ENPP6: variants seen among roughly 807,000 people sequenced by gnomAD.
The protein encoded by ENPP6 is ectonucleotide pyrophosphatase/phosphodiesterase 6.
A neutral mutation model predicts 42.0 loss-of-function variants in ENPP6; 32 were observed. The ratio of observed to expected loss-of-function variants is 0.76; its 90% CI spans 0.58 to 1.02. ENPP6 has a LOEUF of 1.02. Ranked by LOEUF, ENPP6 falls within the 50% of genes least tolerant of loss-of-function variation. ENPP6 has a pLI of 0.00. For missense variants in ENPP6, 552 were observed against 566.8 expected, an observed-to-expected ratio of 0.97 and a Z score of 0.27; for synonymous variants, 213 against 216.0, an observed-to-expected ratio of 0.99 and a Z score of 0.12.
At position 184,202,441 on chromosome 4, in the gene ENPP6, G is replaced by A. The variant is rs545877127; in HGVS notation, c.241+15138C>T. ...CTGGAGTGGAACAGGAGGGGAGGAGGAGCCTGTTGGACTATCCTTTGGTAT... is the reference window on the plus strand; with the variant it reads ...CTGGAGTGGAACAGGAGGGGAGGAGAAGCCTGTTGGACTATCCTTTGGTAT... On this transcript the variant is annotated intron_variant, in intron 1 of 7. Coordinates refer to ENST00000296741, the MANE Select transcript of ENPP6 (RefSeq NM_153343.4). 2.0e-5 allele frequency among the ~76,000 whole-genome samples: 3 copies of A among 152,172 alleles called. No individual in the cohort carries two copies. The South Asian group carries it at 6.2e-4, about 32-fold the overall frequency.
intron 3 of ENPP6, among the ~76,000 whole-genome samples, chr4:184,123,119 T>C (rs1006741221): frequency 6.6e-6 from 1 of 152,146 alleles, no homozygotes; most frequent in Admixed American, 6.5e-5. Context: ...GTGGAATCAT[T>C]CTAAGAAGCA....
At position 184,153,744 on chromosome 4, in the gene ENPP6, G is replaced by T. The variant is rs185555705; in HGVS notation, c.242-11C>A. ...CTTCACAATGGCGGCCTATGTCAAT[G>T]AGAACACAGCTGTCAGTTTACGGTT... On this transcript the variant is annotated splice_polypyrimidine_tract_variant and intron_variant, in intron 1 of 7. Transcript: ENST00000296741. 2.8e-3 allele frequency: 4,449 copies of T among 1,613,024 alleles called. 40 individuals carry two copies. The highest frequency in any genetic ancestry group is 2.4e-3 in the Non-Finnish European group (2,877 of 1,179,450).
chr4:184,207,027 TGTGAGAACGGG>T (rs1733012547), intron 1 of ENPP6, among the ~76,000 whole-genome samples: 1 of 152,230 alleles, frequency 6.6e-6, no homozygotes, highest in African/African-American at 2.4e-5. Context: ...CCAGTTGCTG[TGTGAGAACGGG>T]GTCTCTGATG....
chr4:184,168,857 G>A (rs914823860), intron 1 of ENPP6, among the ~76,000 whole-genome samples: 7 of 152,204 alleles, frequency 4.6e-5, no homozygotes, highest in Non-Finnish European at 1.0e-4. Context: ...CCTGGAGCCG[G>A]GGCCTTGCCT....
intron 1 of ENPP6, among the ~76,000 whole-genome samples, chr4:184,205,830 G>A (rs11728179): frequency 0.17 from 25,280 of 152,166 alleles, 2,775 homozygotes; most frequent in Non-Finnish European, 0.25. Flanking sequence ...CTGTGAGACA[G>A]AGGAAGGTCA....
intron 6 of ENPP6, among the ~76,000 whole-genome samples, chr4:184,103,846 G>A (rs375113137): frequency 1.3e-4 from 20 of 152,046 alleles, no homozygotes; most frequent in Non-Finnish European, 2.1e-4. Context: ...CTCAGGCCTC[G>A]GCCTGCTGGC....
chr4:184,145,006 C>T (rs1669859554), intron 2 of ENPP6, among the ~76,000 whole-genome samples: 1 of 152,230 alleles, frequency 6.6e-6, no homozygotes. Flanking sequence ...GAAGGGCAGG[C>T]CCAGGGAAGG....
intron 2 of ENPP6, among the ~76,000 whole-genome samples, chr4:184,148,289 A>T (rs1342854542): frequency 1.3e-5 from 2 of 152,112 alleles, no homozygotes; most frequent in African/African-American, 4.8e-5. Context: ...ATTTGCCATG[A>T]TTTGTGAAGG....
chr4:184,179,140 G>A (rs1344463209), intron 1 of ENPP6, among the ~76,000 whole-genome samples: 1 of 152,106 alleles, frequency 6.6e-6, no homozygotes, highest in Non-Finnish European at 1.5e-5. Context: ...TATCTCACAT[G>A]GAAAGATACA....
chr4:184,190,257 G>C (rs1366124494), intron 1 of ENPP6, among the ~76,000 whole-genome samples: 4 of 152,182 alleles, frequency 2.6e-5, no homozygotes, highest in African/African-American at 7.2e-5. Context: ...TTAGTGAAAA[G>C]GTAAACCATA....
chr4:184,188,733 A>C (rs972650326), intron 1 of ENPP6, among the ~76,000 whole-genome samples: 1 of 152,084 alleles, frequency 6.6e-6, no homozygotes, highest in Non-Finnish European at 1.5e-5. Flanking sequence ...TTGCCAATTA[A>C]ATGTGGGAGG....
intron 6 of ENPP6, among the ~76,000 whole-genome samples, chr4:184,102,131 C>A (rs1333018810): frequency 2.6e-5 from 4 of 152,230 alleles, no homozygotes; most frequent in African/African-American, 7.2e-5. Context: ...AAAGAAAATG[C>A]AACATTTGCG....
intron 1 of ENPP6, among the ~76,000 whole-genome samples, chr4:184,192,012 T>G (rs1427952043): frequency 6.6e-6 from 1 of 152,204 alleles, no homozygotes; most frequent in African/African-American, 2.4e-5. Context: ...CAGCCCATAT[T>G]CATGGATCAG....
At chr4:184,091,573 A>T (rs981919150) in intron 7 of ENPP6, among the ~76,000 whole-genome samples, 191 bp from the exon 8 acceptor site, 4 of 152,124 alleles carry the variant, frequency 2.6e-5, no homozygotes, top group Non-Finnish European at 5.9e-5. Flanking sequence ...TAGAAAGGGA[A>T]ACAGCTTTCT....
chr4:184,093,594 G>A (rs1309976417), intron 7 of ENPP6, among the ~76,000 whole-genome samples: 5 of 150,680 alleles, frequency 3.3e-5, no homozygotes, highest in African/African-American at 9.8e-5. Flanking sequence ...AACCAAGATC[G>A]TGCCATTGCA....
intron 6 of ENPP6, among the ~76,000 whole-genome samples, chr4:184,100,434 C>A (rs1735978433): frequency 6.6e-6 from 1 of 152,220 alleles, no homozygotes; most frequent in South Asian, 2.1e-4. Context: ...GGCCTGCTGA[C>A]CCCATCCAGC....
At chr4:184,113,903 CTT>C (rs1335908274) in intron 5 of ENPP6, among the ~76,000 whole-genome samples, 6 of 60,892 alleles carry the variant, frequency 9.9e-5, no homozygotes, top group African/African-American at 3.1e-4. Context: ...TCTTTCTTTT[CTT>C]TCTTTCTTTC....
At chr4:184,110,805 T>C (rs905117530) in intron 6 of ENPP6, among the ~76,000 whole-genome samples, 1 of 152,192 alleles carries the variant, frequency 6.6e-6, no homozygotes, top group Non-Finnish European at 1.5e-5. Context: ...TAAATCCTTT[T>C]TGTTTAAGCC....
chr4:184,162,916 C>T (rs962642018), intron 1 of ENPP6, among the ~76,000 whole-genome samples: 16 of 152,094 alleles, frequency 1.1e-4, no homozygotes, highest in Non-Finnish European at 2.1e-4. Flanking sequence ...GGAATGGCAG[C>T]AGCGTGCCAT....
Sources: allele counts gnomAD v4.1 joint callset (sites outside exome capture counted in the v4.1 genomes callset), GRCh38; gene constraint gnomAD v4.1.1; transcripts MANE v1.5; gene names NCBI Gene and HGNC (gene_info 2026-07-23, HGNC 2026-07-21).